The following MYO18A variants were observed in gnomAD, a reference collection of about 807,000 sequenced individuals.
MYO18A encodes the protein myosin XVIIIA.
MYO18A carries 78 observed loss-of-function variants against 235.8 expected under a neutral mutation model. The observed-to-expected ratio is 0.33, with a 90% CI of 0.28 to 0.40. The LOEUF is 0.40. MYO18A is among the 10% of genes least tolerant of loss of function. MYO18A has a pLI of 1.00. For missense variants in MYO18A, 2,215 were observed against 2,699.3 expected (o/e 0.82, Z 3.98); for synonymous variants, 977 against 1,077.8 (o/e 0.91, Z 1.83).
At position 29,074,806 on chromosome 17, in the gene MYO18A, G is replaced by A. The variant is rs765368352; in HGVS notation, c.6129C>T (p.Ser2043=). The A allele has an allele frequency of 7.4e-6, 12 of 1,613,786 alleles. No homozygotes were observed. Among genetic ancestry groups the A allele is most frequent in the Non-Finnish European group, 9.3e-6 (11 of 1,179,884 alleles). ...PRYSHSYLSD[S]DTEAKLTETN... ...TCTCCGTCAGCTTGGCCTCTGTGTCGCTGTCACTCAGATAACTGTGGGAGT... is the reference window on the plus strand; with the variant it reads ...TCTCCGTCAGCTTGGCCTCTGTGTCACTGTCACTCAGATAACTGTGGGAGT... Residue 2043 remains serine (S), a synonymous_variant, in exon 42 of 42, where the codon AGC becomes AGT. Transcript: ENST00000527372. This position sits in a 1 kb window ranked among gnomAD's most constrained non-coding sequence, Gnocchi z 4.4.
intron 41 of MYO18A, chr17:29,080,758 A>C: frequency 1.0e-6 from 1 of 985,478 alleles, no homozygotes; most frequent in South Asian, 4.7e-5. Context: ...CCCCGAGCGG[A>C]CGGAGCCGCA....
rs767858995 is a variant in MYO18A, at chr17:29,098,183, T to C, written c.3912A>G (p.Thr1304=). 1 of 1,613,852 alleles carries C rather than the reference T, an allele frequency of 6.2e-7. No individual in the cohort carries two copies. The highest frequency in any genetic ancestry group is 1.3e-5 in the African/African-American group (1 of 74,932). ...LTSELTDERN[T]GESASQLLDA... is the part of the protein sequence containing the mutation. ...CCAGCAGCTGGGAGGCGGACTCTCC[T>C]GTGTTACGCTCATCTGTCAGCTCCG... Residue 1304 remains threonine (T), a synonymous_variant, in exon 25 of 42, where the codon ACA becomes ACG. Transcript: ENST00000527372.
chr17:29,088,592 G>A (rs1450088561), intron 37 of MYO18A, among the ~76,000 whole-genome samples: 4 of 152,264 alleles, frequency 2.6e-5, no homozygotes, highest in South Asian at 2.1e-4. Flanking sequence ...GAGAACCGAC[G>A]GTGTGGAGAC....
rs2067179456 is a variant in MYO18A at position 29,120,802 on chromosome 17, A to G, written c.1586-44T>C. On this transcript the variant is annotated intron_variant, in intron 6 of 41. Coordinates refer to ENST00000527372, the MANE Select transcript of MYO18A (RefSeq NM_078471.4). The surrounding 1 kb of genome is among the most constrained non-coding windows in gnomAD (Gnocchi z 4.2). ...AGGGGATATCAGGAAAGCCAGGGGCAGCTTATCCCCCAGCTAGGAGCTACC... is the reference window on the plus strand; with the variant it reads ...AGGGGATATCAGGAAAGCCAGGGGCGGCTTATCCCCCAGCTAGGAGCTACC... 6.3e-7 allele frequency: 1 copy of G among 1,595,260 alleles called. No individual in the cohort carries two copies. The highest frequency in any genetic ancestry group is 1.1e-5 in the South Asian group (1 of 88,734).
chr17:29,094,035 T>C lies in MYO18A; in HGVS notation c.4766A>G (p.Glu1589Gly). 1 of 1,612,500 alleles carries C rather than the reference T, an allele frequency of 6.2e-7. No homozygotes were observed. The highest frequency in any genetic ancestry group is 1.1e-5 in the South Asian group (1 of 90,534). Residue 1589 changes from glutamate to glycine, a missense_variant, in exon 31 of 42, where the codon GAG (glutamate) becomes GGG (glycine). Physicochemically the swap from Glu to Gly is moderately conservative, Grantham distance 98. Coordinates refer to ENST00000527372, the MANE Select transcript of MYO18A (RefSeq NM_078471.4). ...CACCTCCTCATCCCGACTCTCCATC[T>C]CCTTAGAATGGGTCTGTCTCATCCG... Reference protein sequence around the residue: ...MERMRQTHSKEMESRDEEVEE... With the variant: ...MERMRQTHSKGMESRDEEVEE...
rs1825682785 is a variant in MYO18A at position 29,126,702 on chromosome 17, G to A, written c.1000-4449C>T. Reference sequence around the variant, plus strand: ...GCACAGGGAAGTAGTGGCAAAACTTGATGCTCCTCTCCCACACCCTGGGAG... The same window carrying A: ...GCACAGGGAAGTAGTGGCAAAACTTAATGCTCCTCTCCCACACCCTGGGAG... On this transcript the variant is annotated intron_variant, in intron 2 of 41. Transcript: ENST00000527372. The surrounding 1 kb of genome is among the most constrained non-coding windows in gnomAD (Gnocchi z 4.1). Among the ~76,000 whole-genome samples, 2 of 152,256 alleles carry A rather than the reference G, an allele frequency of 1.3e-5. No homozygotes were observed. Among genetic ancestry groups the A allele is most frequent in the Admixed American group, 6.5e-5 (1 of 15,296 alleles).
chr17:29,088,655 C>T (rs1421501056), intron 37 of MYO18A, among the ~76,000 whole-genome samples: 2 of 152,140 alleles, frequency 1.3e-5, no homozygotes, highest in Admixed American at 1.3e-4. Context: ...GGGATGTAAA[C>T]CCAGGAGATA....
At position 29,096,889 on chromosome 17, in the gene MYO18A, C is replaced by T. The variant is rs200153355; in HGVS notation, c.4257G>A (p.Glu1419=). 7 of 1,577,744 alleles carry T rather than the reference C, an allele frequency of 4.4e-6. No homozygotes were observed. The highest frequency in any genetic ancestry group is 4.3e-6 in the Non-Finnish European group (5 of 1,162,782). ...GCTGCTGCAGAGCCCGCTGACTCTC[C>T]TCACTATCTGCCTGCAGGTCCCCGA... ...RRLGDLQADS[E]ESQRALQQLK... The change falls in exon 28 of 42, where the codon GAG becomes GAA. Residue 1419 remains glutamate (E), a synonymous_variant. Transcript: ENST00000527372.
intron 2 of MYO18A, chr17:29,127,802 T>G (rs865963288): frequency 1.0e-6 from 1 of 965,010 alleles, no homozygotes; most frequent in African/African-American, 1.8e-5. Context: ...TGCCTGGCCC[T>G]TGAGCTAGGG....
intron 20 of MYO18A, among the ~76,000 whole-genome samples, chr17:29,105,468 T>A (rs1342789608): frequency 6.6e-6 from 1 of 151,046 alleles, no homozygotes; most frequent in Non-Finnish European, 1.5e-5. Context: ...AGAAGTGAAT[T>A]CACACTGATG....
intron 2 of MYO18A, among the ~76,000 whole-genome samples, chr17:29,152,012 C>T (rs1303031743): frequency 6.6e-6 from 1 of 152,114 alleles, no homozygotes; most frequent in Non-Finnish European, 1.5e-5. Context: ...TCAGAGAAGC[C>T]CCCCAGCCCC....
rs765074551 is a variant in MYO18A, at chr17:29,110,482, G to A, written c.3041C>T (p.Ala1014Val). Residue 1014 changes from alanine (A) to valine (V), a missense_variant, in exon 18 of 42, where the codon GCG becomes GTG. Ala to Val is a moderately conservative substitution (Grantham distance 64, BLOSUM62 0). Coordinates refer to ENST00000527372, the MANE Select transcript of MYO18A (RefSeq NM_078471.4). ...GCACAGTGACTTCTTTTTGACAGCC[G>A]CCATGCCTGTGGTAAAGGTTTTCCG... is the stretch of plus-strand genomic sequence containing the variant. Reference protein sequence around the residue: ...SMRKTFTTGMAAVKKKSLCIQ... With the variant: ...SMRKTFTTGMVAVKKKSLCIQ... The A allele has an allele frequency of 3.8e-5, 61 of 1,599,478 alleles. No homozygotes were observed. The highest frequency in any genetic ancestry group is 9.0e-5 in the East Asian group (4 of 44,316).
chr17:29,112,277 C>A (rs2066949759), intron 15 of MYO18A, among the ~76,000 whole-genome samples: 1 of 152,204 alleles, frequency 6.6e-6, no homozygotes, highest in Admixed American at 6.5e-5. Context: ...AAGAGTTGGC[C>A]CTAAGGAAGC....
intron 2 of MYO18A, among the ~76,000 whole-genome samples, chr17:29,164,862 G>A (rs1176306410): frequency 6.6e-6 from 1 of 151,864 alleles, no homozygotes; most frequent in Non-Finnish European, 1.5e-5. Flanking sequence ...TTTTGCGCGG[G>A]CAGCTGGGGT....
intron 38 of MYO18A, 177 bp from the exon 39 acceptor site, chr17:29,086,754 G>A: frequency 8.9e-7 from 1 of 1,125,306 alleles, no homozygotes; most frequent in Non-Finnish European, 1.2e-6. Flanking sequence ...CCTCATCTGA[G>A]GGAGTCTCCA....
chr17:29,121,272 C>T lies in MYO18A; in HGVS notation c.1372-61G>A. ...TCTTAGCTGATCCCATTAAGACACC[C>T]CTCACCCCCAAGGTCCACATCTTTC... is the stretch of plus-strand genomic sequence containing the variant. On this transcript the variant is annotated intron_variant, in intron 5 of 41. Coordinates refer to ENST00000527372, the MANE Select transcript of MYO18A (RefSeq NM_078471.4). This position sits in a 1 kb window ranked among gnomAD's most constrained non-coding sequence, Gnocchi z 4.2. 3 of 1,513,486 alleles carry T rather than the reference C, an allele frequency of 2.0e-6. No individual in the cohort carries two copies. Among genetic ancestry groups the T allele is most frequent in the Admixed American group, 3.9e-5 (2 of 50,900 alleles). The allele number at this position is 1,513,486 out of a possible 1,614,324, so 93.8% of individuals were successfully genotyped here.
chr17:29,105,187 A>G (rs921059069), intron 20 of MYO18A, among the ~76,000 whole-genome samples: 11 of 151,002 alleles, frequency 7.3e-5, no homozygotes, highest in African/African-American at 2.2e-4. Context: ...AAAAAAAAAA[A>G]AAAAAAAAAG....
intron 18 of MYO18A, 74 bp downstream of exon 18, chr17:29,110,362 G>C: frequency 6.8e-7 from 1 of 1,465,000 alleles, no homozygotes; most frequent in Non-Finnish European, 9.1e-7. Context: ...AGTGTGCTCG[G>C]AGTCCCCAGG....
At chr17:29,110,667 T>A (rs776525473) in intron 17 of MYO18A, 45 bp from the exon 18 acceptor site, 3 of 1,564,520 alleles carry the variant, frequency 1.9e-6, no homozygotes, top group Non-Finnish European at 1.7e-6. Flanking sequence ...GTCACATCGA[T>A]GGAGCGGGAA....
Sources: gnomAD v4.1 joint callset for allele counts (sites outside exome capture counted in the v4.1 genomes callset) on GRCh38, gnomAD v4.1.1 for gene constraint, Gnocchi (gnomAD v3.1) non-coding constraint, MANE v1.5 for transcripts, NCBI Gene and HGNC (gene_info 2026-07-23, HGNC 2026-07-21) for gene names.